AK7: variants seen among roughly 807,000 people sequenced by gnomAD.
The protein encoded by AK7 is adenylate kinase 7.
In AK7, 78 loss-of-function variants were observed where a neutral mutation model predicts 96.6. The observed-to-expected ratio is 0.81, with a 90% CI of 0.67 to 0.97. AK7 has a LOEUF of 0.97. AK7 is among the 50% of genes least tolerant of loss of function. The pLI, the probability that AK7 is intolerant of heterozygous loss-of-function variation, is 0.00. For missense variants in AK7, 855 were observed against 887.9 expected (o/e 0.96, Z 0.47); for synonymous variants, 302 against 317.2 (o/e 0.95, Z 0.51).
chr14:96,395,554 A>G (rs59465521), intron 1 of AK7, among the ~76,000 whole-genome samples: 45,957 of 151,532 alleles, frequency 0.3, 7,748 homozygotes, highest in East Asian at 0.55. Flanking sequence ...ATTAGGAATG[A>G]AGGAGAATCT....
At chr14:96,477,280 C>T (rs554204390) in intron 14 of AK7, among the ~76,000 whole-genome samples, 2 of 152,332 alleles carry the variant, frequency 1.3e-5, no homozygotes, top group Middle Eastern at 3.4e-3. Context: ...CCACATGCCT[C>T]GGGGACACAC....
intron 7 of AK7, 34 bp from the exon 8 acceptor site, chr14:96,446,483 C>G: frequency 6.3e-7 from 1 of 1,591,320 alleles, no homozygotes; most frequent in Non-Finnish European, 8.6e-7. Flanking sequence ...TTCGCTTTTT[C>G]CCTTTGATGA....
intron 12 of AK7, among the ~76,000 whole-genome samples, chr14:96,462,981 C>T (rs1024959045): frequency 6.6e-6 from 1 of 151,914 alleles, no homozygotes; most frequent in Non-Finnish European, 1.5e-5. Flanking sequence ...GCTAACGGTA[C>T]AAAAAATTAG....
At chr14:96,470,334 T>C (rs1197817366) in intron 12 of AK7, among the ~76,000 whole-genome samples, 1 of 151,968 alleles carries the variant, frequency 6.6e-6, no homozygotes, top group Non-Finnish European at 1.5e-5. Context: ...GGTAAAGGAA[T>C]AGTACAAACT....
At chr14:96,468,545 C>A (rs537203246) in intron 12 of AK7, among the ~76,000 whole-genome samples, 1 of 152,174 alleles carries the variant, frequency 6.6e-6, no homozygotes, top group East Asian at 1.9e-4. Context: ...GATCCACCTG[C>A]CTCGGGCTCC....
intron 12 of AK7, among the ~76,000 whole-genome samples, chr14:96,458,745 A>G (rs1441180091): frequency 6.7e-6 from 1 of 148,962 alleles, no homozygotes; most frequent in Non-Finnish European, 1.5e-5. Flanking sequence ...TCTGTCTCAA[A>G]AAAAAAAAAA....
chr14:96,432,118 C>T (rs1000528874), intron 5 of AK7, among the ~76,000 whole-genome samples: 8 of 151,372 alleles, frequency 5.3e-5, no homozygotes, highest in African/African-American at 1.2e-4. Flanking sequence ...TTTCTCTTGC[C>T]GGATTGGCCA....
chr14:96,429,998 C>T (rs1046977046), intron 5 of AK7, among the ~76,000 whole-genome samples: 9 of 152,190 alleles, frequency 5.9e-5, no homozygotes, highest in Admixed American at 3.3e-4. Flanking sequence ...TCCAACACTA[C>T]GTCAAATAGG....
At chr14:96,468,214 CAAA>C (rs71103532) in intron 12 of AK7, among the ~76,000 whole-genome samples, 3 of 107,204 alleles carry the variant, frequency 2.8e-5, no homozygotes, top group Admixed American at 1.0e-4. Context: ...GACCCTGTCT[CAAA>C]AAAAAAAAAA....
At chr14:96,472,118 T>C (rs80218546) in intron 13 of AK7, among the ~76,000 whole-genome samples, 7,533 of 152,242 alleles carry the variant, frequency 0.049, 193 homozygotes, top group South Asian at 0.082. Context: ...CTGATTTCAC[T>C]TAGCATAATG....
At chr14:96,463,133 C>T (rs1894350944) in intron 12 of AK7, among the ~76,000 whole-genome samples, 1 of 140,104 alleles carries the variant, frequency 7.1e-6, no homozygotes, top group African/African-American at 2.6e-5. Context: ...CAAGACTCCG[C>T]CTCAAAAAAC....
At chr14:96,425,480 A>ATT (rs35861988) in intron 5 of AK7, among the ~76,000 whole-genome samples, 56,638 of 118,404 alleles carry the variant, frequency 0.48, 15,187 homozygotes, top group East Asian at 0.73. Flanking sequence ...AGTCACACTG[A>ATT]TTTTTTTTTT....
At chr14:96,398,523 C>G (rs2139979657) in intron 2 of AK7, 7 of 490,116 alleles carry the variant, frequency 1.4e-5, no homozygotes, top group South Asian at 1.3e-4. Context: ...ATACAGTTCT[C>G]CTCTTCAGCA....
At chr14:96,483,329 A>G (rs1477923071) in intron 16 of AK7, 110 bp downstream of exon 16, 4 of 1,094,588 alleles carry the variant, frequency 3.7e-6, no homozygotes, top group Non-Finnish European at 3.9e-6. Flanking sequence ...GGGAAATGTC[A>G]TGGAAATACC....
At chr14:96,416,367 C>T (rs1179503352) in intron 4 of AK7, among the ~76,000 whole-genome samples, 3 of 148,214 alleles carry the variant, frequency 2.0e-5, no homozygotes, top group Non-Finnish European at 3.0e-5. Context: ...AGCCTGGAGA[C>T]AGAGTGAGAC....
At chr14:96,481,512 A>G (rs1302579676) in intron 15 of AK7, among the ~76,000 whole-genome samples, 2 of 151,384 alleles carry the variant, frequency 1.3e-5, no homozygotes, top group Non-Finnish European at 2.9e-5. Context: ...TGCCCAGCTA[A>G]TTTTTGTGTT....
At chr14:96,436,984 C>A (rs953672924) in intron 5 of AK7, among the ~76,000 whole-genome samples, 11 of 145,400 alleles carry the variant, frequency 7.6e-5, no homozygotes, top group African/African-American at 2.6e-4. Flanking sequence ...TGGCCTCCAG[C>A]AGAACTCATA....
At chr14:96,428,173 C>G (rs2140060057) in intron 5 of AK7, among the ~76,000 whole-genome samples, 1 of 152,064 alleles carries the variant, frequency 6.6e-6, no homozygotes, top group Non-Finnish European at 1.5e-5. Context: ...TCCAAGTGTT[C>G]TCATTGTTCA....
intron 3 of AK7, among the ~76,000 whole-genome samples, chr14:96,407,260 A>C (rs1303438079): frequency 6.6e-6 from 1 of 152,240 alleles, no homozygotes; most frequent in Non-Finnish European, 1.5e-5. Flanking sequence ...AAAGCTCGGC[A>C]GGGCAGAAAG....
Sources: allele counts gnomAD v4.1 joint callset (sites outside exome capture counted in the v4.1 genomes callset), GRCh38; gene constraint gnomAD v4.1.1; transcripts MANE v1.5; gene names NCBI Gene and HGNC (gene_info 2026-07-23, HGNC 2026-07-21).